The following MAP4K5 variants were observed in gnomAD, a reference collection of about 807,000 sequenced individuals.
MAP4K5 encodes mitogen-activated protein kinase kinase kinase kinase 5.
MAP4K5 carries 82 observed loss-of-function variants against 135.6 expected under a neutral mutation model. The observed-to-expected ratio is 0.60, with a 90% confidence interval of 0.51 to 0.73. The LOEUF (loss-of-function observed/expected upper bound fraction) is 0.73, where lower values mean the gene tolerates loss of function less well. MAP4K5 is among the 30% of genes least tolerant of loss of function. The pLI, the probability that MAP4K5 is intolerant of heterozygous loss-of-function variation, is 0.00. For synonymous variants in MAP4K5, 347 were observed against 335.0 expected, an observed-to-expected ratio of 1.04 and a Z score of -0.39; for missense variants, 907 against 1,010.9, an observed-to-expected ratio of 0.90 and a Z score of 1.39.
At chr14:50,480,687 T>C (rs1161526827) in intron 6 of MAP4K5, among the ~76,000 whole-genome samples, 1 of 152,150 alleles carries the variant, frequency 6.6e-6, no homozygotes, top group Non-Finnish European at 1.5e-5. Context: ...TTCTGAGAAA[T>C]GCATTGTTAG....
At chr14:50,526,353 G>C (rs1284689046) in intron 2 of MAP4K5, among the ~76,000 whole-genome samples, 1 of 152,130 alleles carries the variant, frequency 6.6e-6, no homozygotes, top group Non-Finnish European at 1.5e-5. Context: ...AGGCTGGAGT[G>C]AAGTGGCGCA....
chr14:50,502,006 T>G (rs2037716255), intron 3 of MAP4K5, among the ~76,000 whole-genome samples: 1 of 152,144 alleles, frequency 6.6e-6, no homozygotes, highest in Admixed American at 6.6e-5. Context: ...ATGGGTCAAC[T>G]GACACACATA....
chr14:50,452,013 A>C (rs1361508157), intron 14 of MAP4K5, among the ~76,000 whole-genome samples: 1 of 152,174 alleles, frequency 6.6e-6, no homozygotes, highest in Non-Finnish European at 1.5e-5. Flanking sequence ...TTCCCAGTCT[A>C]GGGATATACG....
intron 3 of MAP4K5, among the ~76,000 whole-genome samples, chr14:50,494,252 C>G (rs984160248): frequency 2.0e-5 from 3 of 151,900 alleles, no homozygotes; most frequent in African/African-American, 4.8e-5. Context: ...ACTGCAACCT[C>G]CGCCTCCCGG....
At chr14:50,509,493 C>T (rs575669725) in intron 2 of MAP4K5, among the ~76,000 whole-genome samples, 55 of 152,058 alleles carry the variant, frequency 3.6e-4, no homozygotes, top group Non-Finnish European at 4.3e-4. Flanking sequence ...TAAATTTCTC[C>T]GTGATAATTT....
intron 25 of MAP4K5, 53 bp from the exon 26 acceptor site, chr14:50,437,587 T>C (rs961852684): frequency 3.3e-6 from 4 of 1,222,594 alleles, no homozygotes; most frequent in Non-Finnish European, 4.6e-6. Context: ...TACAACACAA[T>C]GATTTGTAAA....
chr14:50,452,161 G>GT (rs1332945916), intron 14 of MAP4K5, among the ~76,000 whole-genome samples: 2 of 152,110 alleles, frequency 1.3e-5, no homozygotes, highest in Non-Finnish European at 2.9e-5. Context: ...TATATTAAAT[G>GT]TTTTTTTGAC....
intron 14 of MAP4K5, among the ~76,000 whole-genome samples, chr14:50,454,577 A>G (rs1175475751): frequency 6.6e-6 from 1 of 152,094 alleles, no homozygotes; most frequent in Non-Finnish European, 1.5e-5. Flanking sequence ...ATTTAAAGAC[A>G]AGTCATTAAT....
chr14:50,438,302 G>A (rs2036145598), intron 23 of MAP4K5: 1 of 327,302 alleles, frequency 3.1e-6, no homozygotes, highest in Non-Finnish European at 5.7e-6. Flanking sequence ...AAAAGAAATT[G>A]TTGTACAAAA....
rs1319135849 is a variant in MAP4K5, at chr14:50,423,134, A to G, written c.2440T>C (p.Leu814=). ...ISDETRVFRL[L]GSDRVVVLES... ...CCAAACTATTACCTGTCTGATCCTA[A>G]TAAGCGGAAAACTCTTGTTTCATCT... Residue 814 remains leucine (L), a synonymous_variant, in exon 32 of 33, where the codon TTA becomes CTA. Coordinates refer to ENST00000682126, the MANE Select transcript of MAP4K5 (RefSeq NM_006575.6). The G allele has an allele frequency of 2.6e-6, 4 of 1,568,246 alleles. No homozygotes were observed. Among genetic ancestry groups the G allele is most frequent in the African/African-American group, 1.4e-5 (1 of 74,028 alleles).
intron 1 of MAP4K5, among the ~76,000 whole-genome samples, chr14:50,550,913 G>T (rs1315622802): frequency 6.6e-6 from 1 of 152,078 alleles, no homozygotes; most frequent in East Asian, 1.9e-4. Context: ...AAGAGGGAAG[G>T]TCATAGCATT....
At chr14:50,479,995 C>CA (rs1257805551) in intron 6 of MAP4K5, among the ~76,000 whole-genome samples, 1 of 151,770 alleles carries the variant, frequency 6.6e-6, no homozygotes, top group Admixed American at 6.6e-5. Flanking sequence ...TCTTGAAAAT[C>CA]ACTGTTTCAT....
At chr14:50,514,535 G>C (rs4901040) in intron 2 of MAP4K5, among the ~76,000 whole-genome samples, 151,426 of 152,360 alleles carry the variant, frequency 0.99, 75,260 homozygotes, top group Middle Eastern at 1. Flanking sequence ...GAAAAGGGAA[G>C]AGTAAATACT....
rs757011605 is a variant in MAP4K5, at chr14:50,508,868, AT to A, written c.109-4012del. Among the ~76,000 whole-genome samples, 109 of 152,100 alleles carry A rather than the reference AT, an allele frequency of 7.2e-4. 2 individuals carry two copies. The highest frequency in any genetic ancestry group is 2.1e-4 in the Non-Finnish European group (14 of 68,016). ...ACTAGAAATACCATTTGACCCAGTG[AT>A]CCCATTACTGGGTATATACCCAAAG... On this transcript the variant is annotated intron_variant, in intron 2 of 32. Coordinates refer to ENST00000682126, the MANE Select transcript of MAP4K5 (RefSeq NM_006575.6).
At chr14:50,456,016 C>A (rs1184489349) in intron 14 of MAP4K5, among the ~76,000 whole-genome samples, 1 of 151,984 alleles carries the variant, frequency 6.6e-6, no homozygotes. Context: ...AACCTGAAAC[C>A]AACCCAAATG....
chr14:50,543,948 G>A (rs890207943), intron 1 of MAP4K5, among the ~76,000 whole-genome samples: 4 of 152,152 alleles, frequency 2.6e-5, no homozygotes, highest in Non-Finnish European at 5.9e-5. Flanking sequence ...CTGCCATCTG[G>A]CTATTTTGGA....
At chr14:50,521,656 T>C (rs1054870399) in intron 2 of MAP4K5, among the ~76,000 whole-genome samples, 29 of 152,186 alleles carry the variant, frequency 1.9e-4, no homozygotes, top group Admixed American at 5.9e-4. Flanking sequence ...TTCATAAATA[T>C]GTTGGAAGGC....
chr14:50,483,922 G>T (rs775582745), intron 5 of MAP4K5, among the ~76,000 whole-genome samples: 3 of 151,600 alleles, frequency 2.0e-5, no homozygotes, highest in Non-Finnish European at 4.4e-5. Context: ...GTGCACTGGC[G>T]TGATCTTGGT....
intron 14 of MAP4K5, among the ~76,000 whole-genome samples, chr14:50,450,943 A>G (rs1474933272): frequency 6.6e-6 from 1 of 152,240 alleles, no homozygotes; most frequent in African/African-American, 2.4e-5. Flanking sequence ...AAAACAAATT[A>G]GTAAAACCAG....
Sources: gnomAD v4.1 joint callset for allele counts (sites outside exome capture counted in the v4.1 genomes callset) on GRCh38, gnomAD v4.1.1 for gene constraint, MANE v1.5 for transcripts, NCBI Gene and HGNC (gene_info 2026-07-23, HGNC 2026-07-21) for gene names.